PKHD1L1: variants seen among roughly 807,000 people sequenced by gnomAD.
The protein encoded by PKHD1L1 is PKHD1 like 1.
Under a neutral mutation model 462.9 loss-of-function variants are expected in PKHD1L1, and 434 were observed. The ratio of observed to expected loss-of-function variants is 0.94; its 90% CI spans 0.87 to 1.02. The LOEUF is 1.02. Ranked by LOEUF, PKHD1L1 falls within the 50% of genes least tolerant of loss-of-function variation. The pLI is 0.00. For missense variants in PKHD1L1, 5,202 were observed against 5,096.1 expected, an observed-to-expected ratio of 1.02 and a Z score of -0.63; for synonymous variants, 1,781 against 1,750.0, an observed-to-expected ratio of 1.02 and a Z score of -0.44.
Position 109,507,710 on chromosome 8 carries a change from G to C in PKHD1L1, c.11042G>C (p.Arg3681Thr). ...GTAGACATGGTTTGTGATGCCAAGA[G>C]GAAATCTTTTCTTAGAGACATAGAT... ...DCVDMVCDAK[R>T]KSFLRDIDGS... is the part of the protein sequence containing the mutation. The change falls in exon 69 of 78, where the codon AGG (arginine) becomes ACG (threonine). Residue 3681 changes from arginine (R) to threonine (T), a missense_variant. This residue lies in a region of PKHD1L1 where 698 missense variants were observed against 736.3 expected (regional missense o/e 0.95). Transcript: ENST00000378402. The C allele has an allele frequency of 6.2e-7, 1 of 1,613,418 alleles. No homozygotes were observed. Among genetic ancestry groups the C allele is most frequent in the Non-Finnish European group, 8.5e-7 (1 of 1,179,606 alleles).
chr8:109,397,566 C>T (rs750268993), intron 11 of PKHD1L1, among the ~76,000 whole-genome samples: 4 of 151,914 alleles, frequency 2.6e-5, no homozygotes, highest in South Asian at 2.1e-4. Flanking sequence ...GGCACATGCC[C>T]GTAGTTCCAG....
At chr8:109,530,038 A>G (rs1232587566) in intron 77 of PKHD1L1, 42 bp from the exon 78 acceptor site, 4 of 1,210,704 alleles carry the variant, frequency 3.3e-6, no homozygotes, top group East Asian at 3.0e-5. Context: ...ACTATATGCT[A>G]TTTCTACTTA....
rs62508075 is a variant in PKHD1L1, at chr8:109,385,551, A to G, written c.490A>G (p.Ile164Val). ...TTTGTTTTCAGGTACACTAATAACA[A>G]TCCAAGGCAGAATCTTCACTGATGT... ...LSGTPGTLIT[I>V]QGRIFTDVYG... is the part of the protein sequence containing the mutation. Residue 164 changes from isoleucine (I) to valine (V), a missense_variant, in exon 6 of 78, where the codon ATC becomes GTC. Coordinates refer to ENST00000378402, the MANE Select transcript of PKHD1L1 (RefSeq NM_177531.6). The G allele has an allele frequency of 0.046, 73,060 of 1,599,464 alleles. 2,013 individuals carry two copies. The highest frequency in any genetic ancestry group is 0.052 in the Non-Finnish European group (61,297 of 1,170,438).
At chr8:109,404,869 A>T in intron 15 of PKHD1L1, 126 bp from the exon 16 acceptor site, 1 of 1,113,414 alleles carries the variant, frequency 9.0e-7, no homozygotes, top group Non-Finnish European at 1.2e-6. Context: ...CGATAAGCCA[A>T]AAAGGCTGTT....
chr8:109,371,190 GC>G (rs1303843648), intron 2 of PKHD1L1, among the ~76,000 whole-genome samples: 8 of 152,110 alleles, frequency 5.3e-5, no homozygotes, highest in African/African-American at 1.9e-4. Context: ...TTTAATGATC[GC>G]CATTCTAACT....
At chr8:109,502,621 C>T (rs956672440) in intron 67 of PKHD1L1, among the ~76,000 whole-genome samples, 13 of 152,178 alleles carry the variant, frequency 8.5e-5, no homozygotes, top group South Asian at 8.3e-4. Context: ...ACACTTAGAT[C>T]CTGAGATTTG....
At chr8:109,412,167 G>A in intron 19 of PKHD1L1, 98 bp from the exon 20 acceptor site, 1 of 1,162,186 alleles carries the variant, frequency 8.6e-7, no homozygotes, top group African/African-American at 1.5e-5. Flanking sequence ...GGGAAACAAT[G>A]GGATCTGGGT....
At position 109,442,178 on chromosome 8, in the gene PKHD1L1, G is replaced by A. The variant is rs1158756086; in HGVS notation, c.4376G>A (p.Arg1459Lys). 6.2e-7 allele frequency: 1 copy of A among 1,610,834 alleles called. No homozygotes were observed. Among genetic ancestry groups the A allele is most frequent in the Non-Finnish European group, 8.5e-7 (1 of 1,178,812 alleles). Residue 1459 changes from arginine to lysine, a missense_variant, in exon 35 of 78, where the codon AGA becomes AAA. By Grantham distance (26) the Arg-to-Lys change is conservative. This residue lies in a region of PKHD1L1 where 4,497 missense variants were observed against 4,336.8 expected (regional missense o/e 1.04). Transcript: ENST00000378402. ...IYDGKGFTSG[R>K]QKSTSGSFSY... ...GATGGCAAAGGATTCACAAGTGGAAGACAAAAATCTACATCAGGTATGTTT... is the reference window on the plus strand; with the variant it reads ...GATGGCAAAGGATTCACAAGTGGAAAACAAAAATCTACATCAGGTATGTTT...
intron 27 of PKHD1L1, among the ~76,000 whole-genome samples, chr8:109,430,413 C>G (rs918699187): frequency 2.0e-5 from 3 of 152,062 alleles, no homozygotes; most frequent in African/African-American, 7.2e-5. Context: ...GAGACCACTT[C>G]CTCTAGGAGA....
intron 2 of PKHD1L1, among the ~76,000 whole-genome samples, chr8:109,365,951 C>T (rs1340352776): frequency 2.0e-5 from 3 of 151,994 alleles, no homozygotes; most frequent in Non-Finnish European, 2.9e-5. Context: ...TCCAGCCTGG[C>T]GACAGAGCGA....
chr8:109,443,184 C>T lies in PKHD1L1; in HGVS notation c.4564+68C>T, dbSNP rs186314404. ...AGGGTGTATGTGATATTTCTGGAGC[C>T]GGTAGCAGATAACTGGGTCTAACTG... is the stretch of plus-strand genomic sequence containing the variant. On this transcript the variant is annotated intron_variant, in intron 36 of 77. Transcript: ENST00000378402. 2,702 of 1,472,264 alleles carry T rather than the reference C, an allele frequency of 1.8e-3. 6 individuals carry two copies. The highest frequency in any genetic ancestry group is 2.1e-3 in the Non-Finnish European group (2,229 of 1,065,978). The allele number at this position is 1,472,264 out of a possible 1,614,324, so 91.2% of individuals were successfully genotyped here.
intron 38 of PKHD1L1, 49 bp from the exon 39 acceptor site, chr8:109,448,094 G>A: frequency 6.8e-7 from 1 of 1,468,298 alleles, no homozygotes; most frequent in Non-Finnish European, 9.2e-7. Flanking sequence ...AAATGGATGT[G>A]TATTAATAGT....
Position 109,440,863 on chromosome 8 carries a change from C to G in PKHD1L1, c.4099+11C>G, listed in dbSNP as rs755728217. 24 of 1,609,276 alleles carry G rather than the reference C, an allele frequency of 1.5e-5. No homozygotes were observed. Among genetic ancestry groups the G allele is most frequent in the Non-Finnish European group, 2.0e-5 (24 of 1,177,542 alleles). On this transcript the variant is annotated intron_variant, in intron 33 of 77. Transcript: ENST00000378402. ...ATACCGTGCTGTTAGGTAAGAGCTT[C>G]ATTCATAGGAAAGTGATTATCATTT...
chr8:109,395,198 C>T (rs1812908988), intron 10 of PKHD1L1, among the ~76,000 whole-genome samples: 1 of 152,146 alleles, frequency 6.6e-6, no homozygotes. Context: ...ACTTGGAGAC[C>T]ATTTAAGCTG....
chr8:109,385,190 A>AT (rs1260733832), intron 5 of PKHD1L1, among the ~76,000 whole-genome samples: 2 of 149,902 alleles, frequency 1.3e-5, no homozygotes, highest in African/African-American at 4.9e-5. Flanking sequence ...TTATGGTTTT[A>AT]TTTTTTATAT....
At chr8:109,477,018 C>T (rs1005829858) in intron 52 of PKHD1L1, among the ~76,000 whole-genome samples, 11 of 152,042 alleles carry the variant, frequency 7.2e-5, no homozygotes, top group African/African-American at 2.7e-4. Flanking sequence ...TAATTAAATT[C>T]TAAAGCATTC....
chr8:109,501,618 A>G (rs1819418614), intron 67 of PKHD1L1, among the ~76,000 whole-genome samples: 2 of 152,346 alleles, frequency 1.3e-5, no homozygotes, highest in South Asian at 4.1e-4. Flanking sequence ...GACATTATGT[A>G]GTAGAAGTAG....
At chr8:109,513,944 A>G (rs1210149931) in intron 71 of PKHD1L1, among the ~76,000 whole-genome samples, 1 of 152,052 alleles carries the variant, frequency 6.6e-6, no homozygotes, top group Non-Finnish European at 1.5e-5. Context: ...GTAGCCAGAT[A>G]CCGTGAAAAT....
At chr8:109,419,741 A>G (rs2130641640) in intron 22 of PKHD1L1, among the ~76,000 whole-genome samples, 1 of 152,302 alleles carries the variant, frequency 6.6e-6, no homozygotes, top group South Asian at 2.1e-4. Context: ...ATGTTAATAG[A>G]CATGACATTT....
Sources: gnomAD v4.1 joint callset for allele counts (sites outside exome capture counted in the v4.1 genomes callset) on GRCh38, gnomAD v4.1.1 for gene constraint, gnomAD v4.1.1 regional missense constraint, MANE v1.5 for transcripts, NCBI Gene and HGNC (gene_info 2026-07-23, HGNC 2026-07-21) for gene names.